The following NRK variants were observed in gnomAD, a reference collection of about 807,000 sequenced individuals.
The protein encoded by NRK is nik-related protein kinase.
NRK carries 67 observed loss-of-function variants against 125.2 expected under a neutral mutation model. That is an observed-to-expected ratio of 0.54 (90% confidence interval 0.44 to 0.66). NRK has a LOEUF of 0.66. Ranked by LOEUF, NRK falls within the 30% of genes least tolerant of loss-of-function variation. The pLI, the probability that NRK is intolerant of heterozygous loss-of-function variation, is 0.00. For missense variants in NRK, 1,224 were observed against 1,192.9 expected (o/e 1.03, Z -0.38); for synonymous variants, 458 against 429.0 (o/e 1.07, Z -0.84).
chrX:105,841,434 A>G (rs2039330861), intron 2 of NRK, among the ~76,000 whole-genome samples: 1 of 111,914 alleles, frequency 8.9e-6, no homozygotes, highest in African/African-American at 3.2e-5. Context: ...ATTTTGTGTT[A>G]TTTCAATTGT....
At chrX:105,921,494 AG>A (rs927657743) in intron 16 of NRK, among the ~76,000 whole-genome samples, 8 of 109,116 alleles carry the variant, frequency 7.3e-5, no homozygotes, top group Non-Finnish European at 1.3e-4. Flanking sequence ...AAAAAAAAAA[AG>A]ATTGAAGAAT....
chrX:105,945,488 C>T (rs2040800430), intron 24 of NRK, among the ~76,000 whole-genome samples: 2 of 111,751 alleles, frequency 1.8e-5, no homozygotes, highest in African/African-American at 6.5e-5. Flanking sequence ...TGAGTCAACC[C>T]TAAGACAAAT....
intron 2 of NRK, among the ~76,000 whole-genome samples, chrX:105,872,684 A>G (rs1346550906): frequency 9.0e-6 from 1 of 111,672 alleles, no homozygotes; most frequent in Non-Finnish European, 1.9e-5. Flanking sequence ...AGAAGGAAGA[A>G]GCAAAATGAA....
chrX:105,893,009 A>G, intron 5 of NRK, among the ~76,000 whole-genome samples: 1 of 111,813 alleles, frequency 8.9e-6, no homozygotes. Context: ...GTACTCAAAG[A>G]AAATATTGCT....
chrX:105,937,140 T>G (rs1157619148), intron 21 of NRK, among the ~76,000 whole-genome samples: 1 of 109,565 alleles, frequency 9.1e-6, no homozygotes, highest in Non-Finnish European at 1.9e-5. Context: ...CCAGAGGGAA[T>G]TATGTTCTAT....
At chrX:105,898,816 C>T in intron 8 of NRK, 102 bp downstream of exon 8, 1 of 624,301 alleles carries the variant, frequency 1.6e-6, no homozygotes, top group East Asian at 4.0e-5. Context: ...CAGGCAGCTC[C>T]ACATTTTACA....
chrX:105,880,112 T>G (rs1449478550), intron 2 of NRK, 87 bp from the exon 3 acceptor site: 7 of 378,507 alleles, frequency 1.8e-5, no homozygotes. Flanking sequence ...TATTCGACAC[T>G]AATTTTAATA....
At chrX:105,827,611 T>G (rs2039132129) in intron 1 of NRK, among the ~76,000 whole-genome samples, 1 of 111,730 alleles carries the variant, frequency 9.0e-6, no homozygotes, top group African/African-American at 3.3e-5. Flanking sequence ...CAGAAACGAC[T>G]CCCCAGAATT....
intron 18 of NRK, 120 bp downstream of exon 18, chrX:105,923,602 T>A: frequency 2.2e-6 from 1 of 447,474 alleles, no homozygotes; most frequent in Non-Finnish European, 3.8e-6. Context: ...TGCATTTTAG[T>A]AAATAGTTTG....
intron 2 of NRK, among the ~76,000 whole-genome samples, chrX:105,871,190 G>A (rs548302745): frequency 3.6e-5 from 4 of 111,548 alleles, no homozygotes; most frequent in African/African-American, 1.3e-4. Context: ...TTGGCACTTC[G>A]ATTATTTTGT....
At chrX:105,947,181 C>A (rs866343478) in intron 26 of NRK, among the ~76,000 whole-genome samples, 2 of 59,875 alleles carry the variant, frequency 3.3e-5, no homozygotes, top group Non-Finnish European at 5.7e-5. Flanking sequence ...CGGTGCAACA[C>A]GCCTGTAATC....
At chrX:105,852,509 G>A (rs781358305) in intron 2 of NRK, among the ~76,000 whole-genome samples, 1 of 111,966 alleles carries the variant, frequency 8.9e-6, no homozygotes, top group South Asian at 3.7e-4. Flanking sequence ...TGATTAATCT[G>A]CCTTTGGATT....
intron 23 of NRK, among the ~76,000 whole-genome samples, chrX:105,941,555 A>AGAGAG (rs2040741294): frequency 7.2e-4 from 61 of 85,267 alleles, no homozygotes; most frequent in African/African-American, 2.6e-3. Context: ...GAGAGACAGA[A>AGAGAG]AGAGAGAGAG....
At chrX:105,925,093 A>C in intron 19 of NRK, 62 bp downstream of exon 19, 1 of 852,134 alleles carries the variant, frequency 1.2e-6, no homozygotes. Flanking sequence ...TCTTCATGGG[A>C]CATGTAGCAT....
At chrX:105,890,211 G>A (rs1053608348) in intron 5 of NRK, among the ~76,000 whole-genome samples, 8 of 111,430 alleles carry the variant, frequency 7.2e-5, no homozygotes, top group Non-Finnish European at 1.3e-4. Flanking sequence ...GGTCACCTTC[G>A]CTCCAGTTCC....
At chrX:105,905,196 C>G (rs2040204674) in intron 9 of NRK, 69 bp from the exon 10 acceptor site, 3 of 776,599 alleles carry the variant, frequency 3.9e-6, no homozygotes, top group Non-Finnish European at 5.9e-6. Flanking sequence ...AGAATCCCCT[C>G]TGGAATAAGG....
At chrX:105,862,791 A>G (rs1457942895) in intron 2 of NRK, among the ~76,000 whole-genome samples, 3 of 112,148 alleles carry the variant, frequency 2.7e-5, no homozygotes, top group African/African-American at 9.7e-5. Flanking sequence ...GCTTGTGCTT[A>G]TTGTGCTCTT....
chrX:105,851,718 C>A (rs73531098), intron 2 of NRK, among the ~76,000 whole-genome samples: 12,591 of 110,220 alleles, frequency 0.11, 1,810 homozygotes, highest in African/African-American at 0.4. Context: ...AGATGTAGCA[C>A]CTCTGTAAAA....
chrX:105,827,966 G>A (rs1430718472), intron 1 of NRK, among the ~76,000 whole-genome samples: 4 of 111,505 alleles, frequency 3.6e-5, no homozygotes, highest in African/African-American at 9.8e-5. Flanking sequence ...CCCCTCTGAC[G>A]TGGAACTTCT....
Sources: allele counts gnomAD v4.1 joint callset (sites outside exome capture counted in the v4.1 genomes callset), GRCh38; gene constraint gnomAD v4.1.1; transcripts MANE v1.5; gene names NCBI Gene and HGNC (gene_info 2026-07-23, HGNC 2026-07-21).